The following CPD variants were observed in gnomAD, a reference collection of about 807,000 sequenced individuals.
CPD encodes metallocarboxypeptidase D.
Under a neutral mutation model 138.3 loss-of-function variants are expected in CPD, and 69 were observed. That is an observed-to-expected ratio of 0.50 (90% CI 0.41 to 0.61). The LOEUF (loss-of-function observed/expected upper bound fraction) is 0.61, where lower values mean the gene tolerates loss of function less well. Among genes scored for constraint, CPD ranks in the 20% least tolerant of loss-of-function variants. The pLI is 0.00. For synonymous variants in CPD, 651 were observed against 642.1 expected, an observed-to-expected ratio of 1.01 and a Z score of -0.21; for missense variants, 1,432 against 1,733.3, an observed-to-expected ratio of 0.83 and a Z score of 3.09.
chr17:30,429,201 TTATTA>T (rs1325332433), intron 7 of CPD, among the ~76,000 whole-genome samples: 14 of 152,238 alleles, frequency 9.2e-5, no homozygotes, highest in Admixed American at 2.6e-4. Flanking sequence ...TTGTTTTCTT[TTATTA>T]TATTTTATGT....
intron 14 of CPD, among the ~76,000 whole-genome samples, chr17:30,452,819 C>T (rs1913200662): frequency 6.6e-6 from 1 of 151,896 alleles, no homozygotes; most frequent in African/African-American, 2.4e-5. Flanking sequence ...ATTTGACTTA[C>T]AGCTCTACAT....
At chr17:30,444,516 CTTTT>C (rs34419729) in intron 11 of CPD, among the ~76,000 whole-genome samples, 6 of 120,856 alleles carry the variant, frequency 5.0e-5, no homozygotes, top group South Asian at 2.9e-4. Context: ...ATGCTAGTAA[CTTTT>C]TTTTTTTTTT....
intron 2 of CPD, among the ~76,000 whole-genome samples, chr17:30,394,893 A>ATG (rs1204444829): frequency 2.3e-4 from 24 of 106,314 alleles, no homozygotes; most frequent in South Asian, 3.0e-4. Context: ...GCGAGTGAGC[A>ATG]TGTGTGTATG....
chr17:30,430,710 G>A (rs1480675733), intron 7 of CPD, among the ~76,000 whole-genome samples: 1 of 151,966 alleles, frequency 6.6e-6, no homozygotes, highest in Non-Finnish European at 1.5e-5. Context: ...TGGAGTGTAA[G>A]TGGTGTGATC....
intron 2 of CPD, 124 bp from the exon 3 acceptor site, chr17:30,420,717 A>G (rs1307151239): frequency 1.2e-6 from 1 of 838,798 alleles, no homozygotes; most frequent in Admixed American, 2.8e-5. Context: ...CTCCAATTTC[A>G]AACAATTTAA....
chr17:30,455,541 T>C, intron 15 of CPD, 71 bp downstream of exon 15: 1 of 1,516,496 alleles, frequency 6.6e-7, no homozygotes. Flanking sequence ...GTAATGTCCC[T>C]TCCACATTTT....
chr17:30,379,059 A>T lies in CPD; in HGVS notation c.79A>T (p.Ser27Cys). ...LLLMCLLLLG[S>C]SARAAHIKKA... is the part of the protein sequence containing the mutation. The stretch of plus-strand genomic sequence containing the variant: ...GCTCATGTGCCTGCTGCTGCTGGGG[A>T]GCTCGGCCCGGGCGGCTCACATCAA... The change falls in exon 1 of 21, where the codon AGC (serine) becomes TGC (cysteine). Residue 27 changes from serine (S) to cysteine (C), a missense_variant. By Grantham distance (112) the Ser-to-Cys change is moderately radical. This residue lies in a region of CPD where 484 missense variants were observed against 477.2 expected (regional missense o/e 1.01). Coordinates refer to ENST00000225719, the MANE Select transcript of CPD (RefSeq NM_001304.5). The surrounding 1 kb of genome is among the most constrained non-coding windows in gnomAD (Gnocchi z 7.0). 1 of 1,561,692 alleles carries T rather than the reference A, an allele frequency of 6.4e-7. No homozygotes were observed. Among genetic ancestry groups the T allele is most frequent in the Non-Finnish European group, 8.6e-7 (1 of 1,160,852 alleles).
chr17:30,465,033 A>G lies in CPD; in HGVS notation c.*219A>G. ...TAAAAAAAAATCTGATTTATGCAGC[A>G]GAGATGGGACAGCCACTTTTTCTTT... On this transcript the variant is annotated 3_prime_UTR_variant, in exon 21 of 21. Transcript: ENST00000225719. 2.0e-6 allele frequency: 1 copy of G among 509,452 alleles called. No individual in the cohort carries two copies. Among genetic ancestry groups the G allele is most frequent in the Admixed American group, 3.4e-5 (1 of 29,668 alleles). The allele number at this position is 509,452 out of a possible 1,614,324, so 31.6% of individuals were successfully genotyped here.
chr17:30,428,262 G>A (rs994718815), intron 7 of CPD, among the ~76,000 whole-genome samples: 2 of 152,122 alleles, frequency 1.3e-5, no homozygotes, highest in African/African-American at 4.8e-5. Flanking sequence ...TCCAACTAAG[G>A]TTGCGAATAA....
chr17:30,438,452 G>T (rs1912762978), intron 8 of CPD, among the ~76,000 whole-genome samples: 1 of 152,132 alleles, frequency 6.6e-6, no homozygotes, highest in African/African-American at 2.4e-5. Context: ...CTGTTTCAAG[G>T]AATAGTGTAT....
intron 6 of CPD, among the ~76,000 whole-genome samples, chr17:30,424,381 A>G (rs532203587): frequency 6.6e-6 from 1 of 152,292 alleles, no homozygotes; most frequent in South Asian, 2.1e-4. Context: ...CCTGATTTCC[A>G]AAAGAGAGGA....
chr17:30,391,940 T>G (rs1281427424), intron 2 of CPD, among the ~76,000 whole-genome samples: 1 of 152,034 alleles, frequency 6.6e-6, no homozygotes, highest in African/African-American at 2.4e-5. Flanking sequence ...TAAATAATAG[T>G]CTTTTTGGAA....
intron 8 of CPD, among the ~76,000 whole-genome samples, chr17:30,438,569 G>A (rs1177638295): frequency 6.6e-6 from 1 of 152,162 alleles, no homozygotes; most frequent in African/African-American, 2.4e-5. Flanking sequence ...AGCAGTCAGG[G>A]AAAGCTGCTT....
intron 10 of CPD, 77 bp from the exon 11 acceptor site, chr17:30,443,725 A>G: frequency 7.3e-7 from 1 of 1,362,904 alleles, no homozygotes; most frequent in Non-Finnish European, 9.9e-7. Context: ...ACAATCTGTT[A>G]TTTTGAATAT....
chr17:30,445,562 A>C (rs1913003076), intron 11 of CPD, 129 bp from the exon 12 acceptor site: 1 of 575,624 alleles, frequency 1.7e-6, no homozygotes, highest in Admixed American at 3.4e-5. Context: ...CAACGTTAAA[A>C]TTTTGTCTCT....
intron 2 of CPD, among the ~76,000 whole-genome samples, chr17:30,397,791 G>A (rs928352245): frequency 6.8e-6 from 1 of 146,524 alleles, no homozygotes; most frequent in Non-Finnish European, 1.5e-5. Flanking sequence ...AAAGAGGCAT[G>A]TTCAGGCAAC....
intron 17 of CPD, chr17:30,456,845 TCAAA>T (rs1913313304): frequency 4.5e-5 from 2 of 44,204 alleles, no homozygotes; most frequent in South Asian, 7.6e-4. Context: ...AGATTCCATC[TCAAA>T]AAAAAAAAAA....
chr17:30,454,799 A>G (rs1597736395), intron 14 of CPD: 1 of 152,812 alleles, frequency 6.5e-6, no homozygotes. Flanking sequence ...CACTTCTTAC[A>G]TGGCAGTGGC....
At chr17:30,385,642 TTAACTA>T (rs1297302048) in intron 2 of CPD, among the ~76,000 whole-genome samples, 1 of 152,018 alleles carries the variant, frequency 6.6e-6, no homozygotes, top group Non-Finnish European at 1.5e-5. Context: ...ATTTTCCTGT[TTAACTA>T]TATACTATTA....
Sources: allele counts gnomAD v4.1 joint callset (sites outside exome capture counted in the v4.1 genomes callset), GRCh38; gene constraint gnomAD v4.1.1; regional missense constraint gnomAD v4.1.1; non-coding constraint Gnocchi (gnomAD v3.1); transcripts MANE v1.5; gene names NCBI Gene and HGNC (gene_info 2026-07-23, HGNC 2026-07-21).